MAP3K20: variants seen among roughly 807,000 people sequenced by gnomAD.
MAP3K20 encodes the protein mitogen-activated protein kinase kinase kinase 20.
Under a neutral mutation model 85.7 loss-of-function variants are expected in MAP3K20, and 40 were observed. The ratio of observed to expected loss-of-function variants is 0.47; its 90% CI spans 0.36 to 0.61. The LOEUF (loss-of-function observed/expected upper bound fraction) is 0.61. Among genes scored for constraint, MAP3K20 ranks in the 20% least tolerant of loss-of-function variants. MAP3K20 has a pLI of 0.00. For missense variants in MAP3K20, 817 were observed against 961.7 expected, an observed-to-expected ratio of 0.85 and a Z score of 1.99; for synonymous variants, 325 against 327.7, an observed-to-expected ratio of 0.99 and a Z score of 0.09.
chr2:173,102,265 A>G (rs1181662254), intron 2 of MAP3K20, among the ~76,000 whole-genome samples: 1 of 152,224 alleles, frequency 6.6e-6, no homozygotes, highest in Admixed American at 6.5e-5. Context: ...AGAAAAGAAT[A>G]CAGCTTGCCA....
rs777951662 is a variant in MAP3K20, at chr2:173,261,037, A to G, written c.1477-26A>G. 3.1e-6 allele frequency: 5 copies of G among 1,609,548 alleles called. No homozygotes were observed. In the South Asian group the frequency reaches 5.5e-5, roughly 18 times the overall value. On this transcript the variant is annotated intron_variant, in intron 17 of 19. Coordinates refer to ENST00000375213, the MANE Select transcript of MAP3K20 (RefSeq NM_016653.3). Reference sequence around the variant, plus strand: ...GTAGAGCAGACTGTGTTATGGTACTACACCATCCTAACTTTTGTTTTTCAG... The same window carrying G: ...GTAGAGCAGACTGTGTTATGGTACTGCACCATCCTAACTTTTGTTTTTCAG...
At chr2:173,153,981 CTGTT>C (rs1282907798) in intron 2 of MAP3K20, among the ~76,000 whole-genome samples, 1 of 152,028 alleles carries the variant, frequency 6.6e-6, no homozygotes, top group Non-Finnish European at 1.5e-5. Flanking sequence ...AGAGAGTCGA[CTGTT>C]TGTTTTCTTG....
intron 14 of MAP3K20, among the ~76,000 whole-genome samples, chr2:173,237,425 T>G (rs555461669): frequency 1.6e-3 from 237 of 152,048 alleles, no homozygotes; most frequent in African/African-American, 5.5e-3. Flanking sequence ...AGGAGTAGAG[T>G]GTAAGAAGTA....
intron 2 of MAP3K20, among the ~76,000 whole-genome samples, chr2:173,163,356 T>C (rs1689719892): frequency 6.6e-6 from 1 of 152,246 alleles, no homozygotes; most frequent in Non-Finnish European, 1.5e-5. Flanking sequence ...TAGCTCCTAC[T>C]TTTAAGTGAG....
At chr2:173,092,346 T>C (rs1687325251) in intron 2 of MAP3K20, among the ~76,000 whole-genome samples, 1 of 152,234 alleles carries the variant, frequency 6.6e-6, no homozygotes, top group Non-Finnish European at 1.5e-5. Context: ...CCCCCATTTC[T>C]CAATCAATAA....
intron 3 of MAP3K20, among the ~76,000 whole-genome samples, chr2:173,181,711 G>A (rs1690331941): frequency 6.6e-6 from 1 of 152,088 alleles, no homozygotes; most frequent in Non-Finnish European, 1.5e-5. Flanking sequence ...CAATAAAACA[G>A]AATTGAAGTC....
chr2:173,142,200 G>A (rs773017597), intron 2 of MAP3K20, among the ~76,000 whole-genome samples: 13 of 152,202 alleles, frequency 8.5e-5, no homozygotes, highest in South Asian at 6.2e-4. Context: ...ATGGCTGGGC[G>A]TAGTGGCTCA....
chr2:173,224,551 A>G, intron 11 of MAP3K20: 1 of 985,322 alleles, frequency 1.0e-6, no homozygotes, highest in Non-Finnish European at 1.2e-6. Flanking sequence ...CCAGTATTCC[A>G]GAGATGGTCA....
At chr2:173,118,742 A>G (rs1688194977) in intron 2 of MAP3K20, among the ~76,000 whole-genome samples, 1 of 152,190 alleles carries the variant, frequency 6.6e-6, no homozygotes, top group Non-Finnish European at 1.5e-5. Flanking sequence ...ATGATAGGTA[A>G]CCATCATTTT....
At chr2:173,241,895 T>G (rs1684791079) in intron 16 of MAP3K20, among the ~76,000 whole-genome samples, 1 of 152,174 alleles carries the variant, frequency 6.6e-6, no homozygotes. Context: ...TTCCTGTTGT[T>G]AGAAGGAGCT....
At chr2:173,083,551 T>C (rs1404092303) in intron 1 of MAP3K20, among the ~76,000 whole-genome samples, 2 of 151,982 alleles carry the variant, frequency 1.3e-5, no homozygotes, top group Admixed American at 6.6e-5. Flanking sequence ...TAAAAAAAAA[T>C]AGTAGAACAG....
intron 1 of MAP3K20, among the ~76,000 whole-genome samples, chr2:173,088,487 A>G (rs1687202745): frequency 6.6e-6 from 1 of 152,228 alleles, no homozygotes; most frequent in South Asian, 2.1e-4. Flanking sequence ...TAATATAAGC[A>G]CATTCTTTAG....
At chr2:173,097,852 C>G (rs3769198) in intron 2 of MAP3K20, among the ~76,000 whole-genome samples, 3,054 of 151,940 alleles carry the variant, frequency 0.02, 54 homozygotes, top group Admixed American at 0.041. Flanking sequence ...GAACCAAGAG[C>G]AAAAAATAAA....
chr2:173,226,004 C>T (rs2106326216), intron 11 of MAP3K20: 3 of 985,082 alleles, frequency 3.0e-6, no homozygotes, highest in Non-Finnish European at 3.6e-6. Flanking sequence ...AGCAAAATTA[C>T]ATTTTACTAT....
At chr2:173,217,334 T>C in intron 11 of MAP3K20, 84 bp downstream of exon 11, 2 of 1,335,262 alleles carry the variant, frequency 1.5e-6, no homozygotes, top group Non-Finnish European at 1.9e-6. Context: ...CCTCTTCCCC[T>C]GCCTCCCGCC....
At chr2:173,216,696 T>C (rs375016955) in intron 10 of MAP3K20, among the ~76,000 whole-genome samples, 1 of 152,186 alleles carries the variant, frequency 6.6e-6, no homozygotes, top group Non-Finnish European at 1.5e-5. Flanking sequence ...TGATGGTGTG[T>C]TGTTGACCAC....
In MAP3K20 at chr2:173,115,991, G is replaced by A. The variant is rs78457433; in HGVS notation, c.159+24801G>A. ...GGGGAAGCAAGCATGTCTTACCAGG[G>A]CAGAGCAGGAAAGAGTCTAATTAAA... On this transcript the variant is annotated intron_variant, in intron 2 of 19. Transcript: ENST00000375213. 9.8e-3 allele frequency among the ~76,000 whole-genome samples: 1,475 copies of A among 150,576 alleles called. 25 individuals are homozygous for A. The highest frequency in any genetic ancestry group is 0.032 in the African/African-American group (1,297 of 41,084).
intron 8 of MAP3K20, among the ~76,000 whole-genome samples, chr2:173,201,181 TA>T (rs1691049076): frequency 6.6e-6 from 1 of 151,946 alleles, no homozygotes; most frequent in Admixed American, 6.6e-5. Context: ...CCCTTAATAA[TA>T]AAATAAGATG....
In MAP3K20 at chr2:173,264,980, G is replaced by A. The variant is rs116863621; in HGVS notation, c.1703-1070G>A. ...ATATACTAACACTACTGAACTAGAG[G>A]CTTAAAAATGGCTAAGATGGAAAAT... is the stretch of plus-strand genomic sequence containing the variant. On this transcript the variant is annotated intron_variant, in intron 19 of 19. Transcript: ENST00000375213. Among the ~76,000 whole-genome samples, 3 of 152,294 alleles carry A rather than the reference G, an allele frequency of 2.0e-5. No homozygotes were observed. In the East Asian group the frequency reaches 5.8e-4, roughly 29 times the overall value.
Sources: gnomAD v4.1 joint callset for allele counts (sites outside exome capture counted in the v4.1 genomes callset) on GRCh38, gnomAD v4.1.1 for gene constraint, MANE v1.5 for transcripts, NCBI Gene and HGNC (gene_info 2026-07-23, HGNC 2026-07-21) for gene names.